Variants in NBAS observed in about 807,000 individuals in gnomAD.
NBAS encodes the protein NBAS subunit of NRZ tethering complex.
In NBAS, 219 loss-of-function variants were observed where a neutral mutation model predicts 302.5. The observed-to-expected ratio is 0.72, with a 90% CI of 0.65 to 0.81. NBAS has a LOEUF of 0.81. Ranked by LOEUF, NBAS falls within the 30% of genes least tolerant of loss-of-function variation. The probability of loss-of-function intolerance (pLI) is 0.00; values close to 1 mark genes in which losing one functional copy is unlikely to be tolerated. For synonymous variants in NBAS, 1,118 were observed against 1,021.6 expected (o/e 1.09, Z -1.80); for missense variants, 2,932 against 2,841.6 (o/e 1.03, Z -0.72).
At chr2:15,034,029 G>GAAGAAGCAGAA in the NBAS span, among the ~76,000 whole-genome samples, 1 of 11,550 alleles carries the variant, frequency 8.7e-5, no homozygotes, top group Non-Finnish European at 1.6e-4. Flanking sequence ...AAGAAGAAGA[G>GAAGAAGCAGAA]GAGGAGGAAG....
chr2:15,010,473 T>A, the NBAS span, among the ~76,000 whole-genome samples: 1 of 151,848 alleles, frequency 6.6e-6, no homozygotes, highest in South Asian at 2.1e-4. Flanking sequence ...CCCTTAGGTG[T>A]CAGGGATATC....
the NBAS span, among the ~76,000 whole-genome samples, chr2:15,144,046 A>ATATATATATATAT: frequency 0.011 from 1,127 of 104,162 alleles, 72 homozygotes; most frequent in Middle Eastern, 0.027. Flanking sequence ...CCTATATATA[A>ATATATATATATAT]AAATATATAT....
At position 15,219,300 on chromosome 2, in the gene NBAS, G is replaced by T. The variant is rs545521286; in HGVS notation, c.6237-332C>A. On this transcript the variant is annotated intron_variant, in intron 47 of 51. Coordinates refer to ENST00000281513, the MANE Select transcript of NBAS (RefSeq NM_015909.4). The stretch of plus-strand genomic sequence containing the variant: ...ACCAATAGTGCAAGGCTGCATTCTA[G>T]TAATTTTTTTTTTTTCTTTTCTTTT... Among the ~76,000 whole-genome samples the T allele has an allele frequency of 2.0e-3, 264 of 128,970 alleles. 1 individual carries two copies. Among genetic ancestry groups the T allele is most frequent in the African/African-American group, 8.4e-3 (246 of 29,252 alleles). 84.6% of individuals were successfully genotyped at this position (128,970 alleles called of 152,430 possible). A position where few individuals can be genotyped will look rare whatever the true frequency, so the allele number is the denominator to read the frequency against.
the NBAS span, among the ~76,000 whole-genome samples, chr2:14,888,440 G>A: frequency 2.0e-3 from 294 of 149,084 alleles, 1 homozygote; most frequent in African/African-American, 6.9e-3. Context: ...CCTGAGCCAC[G>A]GCACCCGGCC....
At position 15,276,856 on chromosome 2, in the gene NBAS, GCAA is replaced by G; in HGVS notation, c.5381_5383del (p.Val1794del). The G allele has an allele frequency of 6.2e-7, 1 of 1,614,022 alleles. No homozygotes were observed. The highest frequency in any genetic ancestry group is 8.5e-7 in the Non-Finnish European group (1 of 1,179,928). ...CAGGGAAACAACCATCCTACCTGAT[GCAA>G]CAACCTTAAACTTCTTCAGCAGTCG... is the stretch of plus-strand genomic sequence containing the variant. On this transcript the variant is annotated inframe_deletion, in exon 43 of 52. Transcript: ENST00000281513.
At chr2:15,283,279 G>A (rs1464625726) in intron 42 of NBAS, among the ~76,000 whole-genome samples, 1 of 152,162 alleles carries the variant, frequency 6.6e-6, no homozygotes, top group Non-Finnish European at 1.5e-5. Flanking sequence ...TAACAAGAAT[G>A]ACACAAATAA....
At chr2:15,074,574 C>G in the NBAS span, among the ~76,000 whole-genome samples, 1 of 151,662 alleles carries the variant, frequency 6.6e-6, no homozygotes, top group African/African-American at 2.4e-5. Flanking sequence ...AAATGAATAA[C>G]TATAATATAG....
the NBAS span, among the ~76,000 whole-genome samples, chr2:14,995,366 C>T: frequency 0.041 from 6,290 of 152,194 alleles, 430 homozygotes; most frequent in African/African-American, 0.14. Context: ...ATGTCTTTTG[C>T]AGGGACAAGG....
the NBAS span, among the ~76,000 whole-genome samples, chr2:15,004,667 A>ATTTTTTT: frequency 6.2e-4 from 65 of 105,440 alleles, no homozygotes; most frequent in African/African-American, 1.6e-3. Flanking sequence ...CTCCCAGCTG[A>ATTTTTTT]TTTTTTTTTT....
intron 11 of NBAS, among the ~76,000 whole-genome samples, chr2:15,491,315 C>G (rs1384679386): frequency 6.6e-6 from 1 of 152,224 alleles, no homozygotes. Context: ...TCTCTGAAGA[C>G]AGAGTCACAG....
intron 35 of NBAS, among the ~76,000 whole-genome samples, chr2:15,343,990 G>A (rs143011734): frequency 1.3e-4 from 19 of 143,792 alleles, no homozygotes; most frequent in Admixed American, 1.1e-3. Flanking sequence ...ACACTTGACT[G>A]CAAGATGTTA....
chr2:15,306,593 C>T (rs1237614519), intron 40 of NBAS, among the ~76,000 whole-genome samples: 1 of 152,128 alleles, frequency 6.6e-6, no homozygotes, highest in African/African-American at 2.4e-5. Flanking sequence ...TTGACAGACA[C>T]ATGAAATTAT....
the NBAS span, among the ~76,000 whole-genome samples, chr2:14,809,956 C>T: frequency 7.2e-5 from 11 of 152,296 alleles, no homozygotes; most frequent in East Asian, 1.9e-4. Context: ...TTGACTGCCC[C>T]GCTGTATTTT....
At chr2:14,900,227 G>A in the NBAS span, among the ~76,000 whole-genome samples, 6 of 150,214 alleles carry the variant, frequency 4.0e-5, no homozygotes, top group East Asian at 3.9e-4. Flanking sequence ...TATTAAACAC[G>A]CCTTCCATGA....
chr2:14,899,739 CT>C, the NBAS span, among the ~76,000 whole-genome samples: 53,785 of 145,424 alleles, frequency 0.37, 11,779 homozygotes, highest in African/African-American at 0.64. Context: ...AAGGTCACAA[CT>C]TTTTTTTTTT....
chr2:15,351,684 G>C (rs1211322129), intron 35 of NBAS, among the ~76,000 whole-genome samples: 1 of 151,932 alleles, frequency 6.6e-6, no homozygotes, highest in African/African-American at 2.4e-5. Flanking sequence ...AGAAAAAAAA[G>C]GAAGTTTAAT....
intron 19 of NBAS, among the ~76,000 whole-genome samples, 180 bp downstream of exon 19, chr2:15,467,149 G>A (rs1679758085): frequency 6.6e-6 from 1 of 152,054 alleles, no homozygotes; most frequent in Admixed American, 6.6e-5. Context: ...ACAACTTCTG[G>A]CTTTCACAAT....
At chr2:14,988,653 C>T in the NBAS span, among the ~76,000 whole-genome samples, 1 of 152,114 alleles carries the variant, frequency 6.6e-6, no homozygotes, top group Admixed American at 6.5e-5. Flanking sequence ...AGAGCTAATT[C>T]ACAAAAGAAT....
At chr2:15,157,503 C>T in the NBAS span, among the ~76,000 whole-genome samples, 3 of 152,214 alleles carry the variant, frequency 2.0e-5, no homozygotes, top group Non-Finnish European at 4.4e-5. Context: ...GACACCCTCA[C>T]CTGGGCTCTG....
Sources: gnomAD v4.1 joint callset for allele counts (sites outside exome capture counted in the v4.1 genomes callset) on GRCh38, gnomAD v4.1.1 for gene constraint, MANE v1.5 for transcripts, NCBI Gene and HGNC (gene_info 2026-07-23, HGNC 2026-07-21) for gene names.